Variants in SP140 observed in about 807,000 individuals in gnomAD.
The protein encoded by SP140 is nuclear body protein SP140.
SP140 carries 81 observed loss-of-function variants against 125.0 expected under a neutral mutation model. That is an observed-to-expected ratio of 0.65 (90% CI 0.54 to 0.78). SP140 has a LOEUF of 0.78. Among genes scored for constraint, SP140 ranks in the 30% least tolerant of loss-of-function variants. The pLI, the probability that SP140 is intolerant of heterozygous loss-of-function variation, is 0.00. For synonymous variants in SP140, 312 were observed against 354.0 expected (o/e 0.88, Z 1.33); for missense variants, 858 against 1,037.0 (o/e 0.83, Z 2.37).
chr2:230,313,378 T>C (rs138063737), downstream of SP140, among the ~76,000 whole-genome samples: 98 of 152,296 alleles, frequency 6.4e-4, no homozygotes, highest in Middle Eastern at 0.01. Flanking sequence ...TGGCTGCTAA[T>C]TAATGCCAGT....
At chr2:230,302,641 A>T (rs184205783) in intron 22 of SP140, among the ~76,000 whole-genome samples, 42 of 151,946 alleles carry the variant, frequency 2.8e-4, no homozygotes, top group African/African-American at 8.7e-4. Flanking sequence ...ATTCTCCAAG[A>T]TAGACCATAT....
intron 3 of SP140, among the ~76,000 whole-genome samples, chr2:230,216,098 C>T (rs1236101030): frequency 6.6e-6 from 1 of 152,194 alleles, no homozygotes; most frequent in Non-Finnish European, 1.5e-5. Context: ...CAGTGCCTGC[C>T]TGTCTCACAT....
chr2:230,284,769 G>T (rs559486064), intron 16 of SP140, among the ~76,000 whole-genome samples: 327 of 152,220 alleles, frequency 2.1e-3, no homozygotes, highest in Non-Finnish European at 3.3e-3. Context: ...ATACATATAT[G>T]TATAACCATA....
upstream of SP140, among the ~76,000 whole-genome samples, chr2:230,222,547 C>T (rs982658596): frequency 6.6e-6 from 1 of 151,984 alleles, no homozygotes; most frequent in Non-Finnish European, 1.5e-5. Flanking sequence ...AGCAAGACCT[C>T]GTCTCTACAA....
At chr2:230,303,064 G>A (rs1014670740) in intron 22 of SP140, among the ~76,000 whole-genome samples, 5 of 151,838 alleles carry the variant, frequency 3.3e-5, no homozygotes, top group African/African-American at 1.2e-4. Context: ...AAAGATCAGA[G>A]AAGAACTAAA....
At chr2:230,241,881 G>A (rs762440873) in intron 4 of SP140, among the ~76,000 whole-genome samples, 1 of 152,204 alleles carries the variant, frequency 6.6e-6, no homozygotes, top group Non-Finnish European at 1.5e-5. Context: ...AATAACCTAA[G>A]CCATATCAGA....
At chr2:230,221,604 A>G (rs1454483068), upstream of SP140, 2 of 1,159,152 alleles carry the variant, frequency 1.7e-6, no homozygotes, top group African/African-American at 3.0e-5. Flanking sequence ...GAGAGGGTGC[A>G]TTGATGCCTC....
intron 22 of SP140, among the ~76,000 whole-genome samples, chr2:230,307,955 G>GTATATATA (rs60233854): frequency 0.018 from 847 of 48,282 alleles, 50 homozygotes; most frequent in Non-Finnish European, 0.029. Flanking sequence ...GGACATGCAT[G>GTATATATA]TATATATATA....
At chr2:230,199,992 T>C (rs1332134963), upstream of SP140, among the ~76,000 whole-genome samples, 2 of 152,170 alleles carry the variant, frequency 1.3e-5, no homozygotes, top group Non-Finnish European at 2.9e-5. Context: ...CTTAATTTCC[T>C]CATCTGCTAA....
intron 1 of SP140, among the ~76,000 whole-genome samples, chr2:230,208,392 T>C (rs907402085): frequency 1.3e-5 from 2 of 152,202 alleles, no homozygotes; most frequent in Admixed American, 6.5e-5. Context: ...GTAATGCAGA[T>C]TCTTGTGTGA....
chr2:230,273,835 A>T (rs2054307296), intron 15 of SP140, among the ~76,000 whole-genome samples: 1 of 152,212 alleles, frequency 6.6e-6, no homozygotes, highest in Non-Finnish European at 1.5e-5. Flanking sequence ...TCCTTAGCAA[A>T]CTAATGCAGG....
Position 230,249,072 on chromosome 2 carries a change from A to G in SP140, c.976+104A>G. 1.0e-5 allele frequency: 8 copies of G among 771,886 alleles called. No homozygotes were observed. The South Asian group carries it at 1.2e-4, about 11-fold the overall frequency. 47.8% of individuals were successfully genotyped at this position (771,886 alleles called of 1,614,324 possible). On this transcript the variant is annotated intron_variant, in intron 9 of 26. Coordinates refer to ENST00000392045, the MANE Select transcript of SP140 (RefSeq NM_007237.5). ...CCCATCCTACCCTTCCCTTCTTCACATTCGCATACATACAGATGGAATTAT... is the reference window on the plus strand; with the variant it reads ...CCCATCCTACCCTTCCCTTCTTCACGTTCGCATACATACAGATGGAATTAT...
intron 1 of SP140, chr2:230,212,875 T>C (rs762350820): frequency 3.1e-6 from 5 of 1,614,070 alleles, no homozygotes; most frequent in Non-Finnish European, 3.4e-6. Context: ...CCAGGCTCAC[T>C]GACTCTTGGC....
chr2:230,270,034 A>C, intron 14 of SP140, 81 bp downstream of exon 14: 1 of 871,770 alleles, frequency 1.1e-6, no homozygotes, highest in Non-Finnish European at 1.9e-6. Context: ...TAGGTGCTCC[A>C]GTCTGTCCAG....
intron 3 of SP140, among the ~76,000 whole-genome samples, chr2:230,220,710 T>C (rs2045739690): frequency 6.6e-6 from 1 of 151,990 alleles, no homozygotes; most frequent in Non-Finnish European, 1.5e-5. Flanking sequence ...CTATGAAAAA[T>C]CCTAAACTAT....
the SP140 span, among the ~76,000 whole-genome samples, chr2:230,193,872 A>T: frequency 1.3e-5 from 2 of 152,210 alleles, no homozygotes; most frequent in Non-Finnish European, 2.9e-5. Flanking sequence ...GAAGCACAGT[A>T]TTTGTTGGGA....
In SP140 at chr2:230,211,601, G is replaced by A; in HGVS notation, c.-322-2053G>A. On this transcript the variant is annotated intron_variant, in intron 1 of 4. Coordinates refer to the SP140 transcript ENST00000456542. This position sits in a 1 kb window ranked among gnomAD's most constrained non-coding sequence, Gnocchi z 4.2. ...TTAGATCTCAGGAACAGCAAGCAGG[G>A]ACCAGAATGAGGAGAAAAGAGAATG... 9.0e-7 allele frequency: 1 copy of A among 1,110,954 alleles called. No individual in the cohort carries two copies. Among genetic ancestry groups the A allele is most frequent in the South Asian group, 1.2e-5 (1 of 80,876 alleles). The allele number at this position is 1,110,954 out of a possible 1,614,324, so 68.8% of individuals were successfully genotyped here.
chr2:230,280,386 A>G (rs2055365289), intron 15 of SP140, among the ~76,000 whole-genome samples: 1 of 151,938 alleles, frequency 6.6e-6, no homozygotes, highest in Non-Finnish European at 1.5e-5. Flanking sequence ...CCTTTTGTTC[A>G]GTTTTCTTTT....
intron 22 of SP140, among the ~76,000 whole-genome samples, chr2:230,300,543 A>T (rs1271222550): frequency 2.6e-5 from 4 of 152,072 alleles, no homozygotes; most frequent in Non-Finnish European, 5.9e-5. Flanking sequence ...CTAGACCCAG[A>T]AGAGCAATAA....
Sources: gnomAD v4.1 joint callset for allele counts (sites outside exome capture counted in the v4.1 genomes callset) on GRCh38, gnomAD v4.1.1 for gene constraint, Gnocchi (gnomAD v3.1) non-coding constraint, MANE v1.5 for transcripts, NCBI Gene and HGNC (gene_info 2026-07-23, HGNC 2026-07-21) for gene names.